Variants in THSD7B observed in about 807,000 individuals in gnomAD.
THSD7B encodes the protein thrombospondin type 1 domain containing 7B.
Under a neutral mutation model 213.6 loss-of-function variants are expected in THSD7B, and 138 were observed. That is an observed-to-expected ratio of 0.65 (90% CI 0.56 to 0.74). The LOEUF (loss-of-function observed/expected upper bound fraction) is 0.74. Ranked by LOEUF, THSD7B falls within the 30% of genes least tolerant of loss-of-function variation. The pLI, the probability that THSD7B is intolerant of heterozygous loss-of-function variation, is 0.00. For missense variants in THSD7B, 1,931 were observed against 1,991.5 expected (o/e 0.97, Z 0.58); for synonymous variants, 742 against 687.0 (o/e 1.08, Z -1.25).
intron 14 of THSD7B, among the ~76,000 whole-genome samples, chr2:137,443,682 A>G (rs1687467839): frequency 6.6e-6 from 1 of 152,100 alleles, no homozygotes; most frequent in Non-Finnish European, 1.5e-5. Context: ...ACTTCTGACT[A>G]TAAAATGAAG....
intron 15 of THSD7B, among the ~76,000 whole-genome samples, chr2:137,468,179 T>C (rs1385448097): frequency 6.6e-6 from 1 of 152,158 alleles, no homozygotes; most frequent in East Asian, 1.9e-4. Flanking sequence ...CTGCATATTA[T>C]TTTGCAGGAA....
rs1038720124 is a variant in THSD7B at position 137,676,825 on chromosome 2, T to G, written c.*220T>G. On this transcript the variant is annotated 3_prime_UTR_variant, in exon 28 of 28. Coordinates refer to ENST00000409968, the MANE Select transcript of THSD7B (RefSeq NM_001316349.2). ...AAGTTGTTTGTGGGTGTGTTTTATTTTTTTGGTTTTCCCAAGGGACCTGAA... is the reference window on the plus strand; with the variant it reads ...AAGTTGTTTGTGGGTGTGTTTTATTGTTTTGGTTTTCCCAAGGGACCTGAA... The G allele has an allele frequency of 1.5e-5, 6 of 395,794 alleles. No homozygotes were observed. Among genetic ancestry groups the G allele is most frequent in the Non-Finnish European group, 8.6e-6 (2 of 231,608 alleles). The allele number at this position is 395,794 out of a possible 1,614,324, so 24.5% of individuals were successfully genotyped here. A position where few individuals can be genotyped will look rare whatever the true frequency, so the allele number is the denominator to read the frequency against.
chr2:136,911,091 A>T (rs534212069), intron 2 of THSD7B, among the ~76,000 whole-genome samples: 2 of 152,316 alleles, frequency 1.3e-5, no homozygotes, highest in Non-Finnish European at 1.5e-5. Context: ...ATACTAAGGG[A>T]TGATGCTGAA....
intron 1 of THSD7B, among the ~76,000 whole-genome samples, chr2:136,790,598 C>T (rs1292522800): frequency 1.3e-5 from 2 of 151,986 alleles, no homozygotes; most frequent in Non-Finnish European, 2.9e-5. Flanking sequence ...AAAATATTTT[C>T]TCCATAAAAA....
intron 2 of THSD7B, among the ~76,000 whole-genome samples, chr2:137,016,804 A>G (rs2104839410): frequency 6.6e-6 from 1 of 152,356 alleles, no homozygotes; most frequent in East Asian, 1.9e-4. Context: ...GTTTCATATC[A>G]ACCTCTGTAT....
At chr2:137,387,935 G>T (rs1457104215) in intron 12 of THSD7B, among the ~76,000 whole-genome samples, 3 of 152,116 alleles carry the variant, frequency 2.0e-5, no homozygotes, top group Non-Finnish European at 4.4e-5. Flanking sequence ...ACACCACTGT[G>T]GCCTCCCAGA....
chr2:137,568,566 T>C (rs936754567), intron 16 of THSD7B, among the ~76,000 whole-genome samples: 1 of 152,144 alleles, frequency 6.6e-6, no homozygotes, highest in Non-Finnish European at 1.5e-5. Context: ...CAGTTCCACA[T>C]GGCTGGGGAG....
chr2:137,330,975 A>G (rs950919904), intron 12 of THSD7B, among the ~76,000 whole-genome samples: 1 of 152,188 alleles, frequency 6.6e-6, no homozygotes, highest in African/African-American at 2.4e-5. Flanking sequence ...AGTTAGATAC[A>G]GAGTATGGAC....
chr2:136,979,331 T>A (rs1558874776), intron 2 of THSD7B, among the ~76,000 whole-genome samples: 1 of 152,164 alleles, frequency 6.6e-6, no homozygotes, highest in Non-Finnish European at 1.5e-5. Context: ...AATGTGAACA[T>A]TGGCCTATTT....
At chr2:136,857,044 T>C (rs1683189731) in intron 1 of THSD7B, among the ~76,000 whole-genome samples, 1 of 152,252 alleles carries the variant, frequency 6.6e-6, no homozygotes, top group African/African-American at 2.4e-5. Context: ...TTTGAAAATT[T>C]CATTTTAGTT....
intron 2 of THSD7B, among the ~76,000 whole-genome samples, chr2:136,968,928 T>C (rs1685363026): frequency 6.6e-6 from 1 of 152,110 alleles, no homozygotes; most frequent in South Asian, 2.1e-4. Context: ...CAGTACACAG[T>C]AAAAATTATA....
At chr2:137,258,039 C>T (rs997273155) in intron 10 of THSD7B, among the ~76,000 whole-genome samples, 1 of 152,130 alleles carries the variant, frequency 6.6e-6, no homozygotes, top group Non-Finnish European at 1.5e-5. Context: ...TGGTAAATGA[C>T]TGACATGGTT....
chr2:136,886,767 G>A (rs1298124565), intron 2 of THSD7B, among the ~76,000 whole-genome samples: 1 of 152,174 alleles, frequency 6.6e-6, no homozygotes, highest in Non-Finnish European at 1.5e-5. Context: ...TGGAGTTGCT[G>A]TCATTTAATA....
chr2:137,525,428 G>A (rs1254159270), intron 15 of THSD7B, among the ~76,000 whole-genome samples: 1 of 152,094 alleles, frequency 6.6e-6, no homozygotes, highest in Non-Finnish European at 1.5e-5. Context: ...GTGTACATTT[G>A]ATGAGGCAAA....
intron 2 of THSD7B, among the ~76,000 whole-genome samples, chr2:136,890,303 C>CTTCTTCTTCTTCTTCTTCTT (rs200389806): frequency 7.7e-4 from 4 of 5,162 alleles, no homozygotes; most frequent in Admixed American, 1.8e-3. Flanking sequence ...ATGTCCTACT[C>CTTCTTCTTCTTCTTCTTCTT]CTTCTTCTTC....
chr2:137,596,155 T>C (rs1198691136), intron 17 of THSD7B, among the ~76,000 whole-genome samples: 5 of 151,914 alleles, frequency 3.3e-5, no homozygotes, highest in Non-Finnish European at 5.9e-5. Context: ...GAAGGCAACA[T>C]GGAAACTCAC....
At chr2:136,993,338 A>G (rs1685822784) in intron 2 of THSD7B, among the ~76,000 whole-genome samples, 1 of 152,268 alleles carries the variant, frequency 6.6e-6, no homozygotes, top group Non-Finnish European at 1.5e-5. Flanking sequence ...AATCAGAAAC[A>G]GACACTAAAA....
chr2:137,539,221 C>T (rs1680562517), intron 15 of THSD7B, among the ~76,000 whole-genome samples: 1 of 151,572 alleles, frequency 6.6e-6, no homozygotes, highest in Admixed American at 6.6e-5. Flanking sequence ...TTTATAATGC[C>T]TTAGGGGCCA....
chr2:137,676,242 T>C (rs565406670), intron 27 of THSD7B, among the ~76,000 whole-genome samples: 1 of 152,280 alleles, frequency 6.6e-6, no homozygotes, highest in East Asian at 1.9e-4. Context: ...GAAAAGACGT[T>C]CCTGTTGTTG....
Sources: gnomAD v4.1 joint callset for allele counts (sites outside exome capture counted in the v4.1 genomes callset) on GRCh38, gnomAD v4.1.1 for gene constraint, MANE v1.5 for transcripts, NCBI Gene and HGNC (gene_info 2026-07-23, HGNC 2026-07-21) for gene names.